The following PCDHGC4 variants were observed in gnomAD, a reference collection of about 807,000 sequenced individuals.
The protein encoded by PCDHGC4 is protocadherin gamma subfamily C, 4.
A neutral mutation model predicts 59.7 loss-of-function variants in PCDHGC4; 15 were observed. The ratio of observed to expected loss-of-function variants is 0.25; its 90% CI spans 0.17 to 0.39. The LOEUF (loss-of-function observed/expected upper bound fraction) is 0.39. PCDHGC4 is among the 10% of genes least tolerant of loss of function. The pLI, the probability that PCDHGC4 is intolerant of heterozygous loss-of-function variation, is 1.00. For synonymous variants in PCDHGC4, 434 were observed against 481.4 expected, an observed-to-expected ratio of 0.90 and a Z score of 1.29; for missense variants, 1,016 against 1,189.5, an observed-to-expected ratio of 0.85 and a Z score of 2.15.
intron 2 of PCDHGC4, among the ~76,000 whole-genome samples, chr5:141,504,479 G>T (rs1270717855): frequency 6.6e-6 from 1 of 152,100 alleles, no homozygotes; most frequent in African/African-American, 2.4e-5. Context: ...TGGGAGTACA[G>T]TGGAGGCACC....
rs2099681350 is a variant in PCDHGC4, at chr5:141,489,024, C to T, written c.2442+1409C>T. 1 of 450,378 alleles carries T rather than the reference C, an allele frequency of 2.2e-6. No individual in the cohort carries two copies. The highest frequency in any genetic ancestry group is 3.9e-6 in the Non-Finnish European group (1 of 256,582). 27.9% of individuals were successfully genotyped at this position (450,378 alleles called of 1,614,324 possible). On this transcript the variant is annotated intron_variant, in intron 1 of 3. Coordinates refer to ENST00000306593, the MANE Select transcript of PCDHGC4 (RefSeq NM_018928.3). The surrounding 1 kb of genome is among the most constrained non-coding windows in gnomAD (Gnocchi z 4.5). ...CTGCTCTTCCAGCCCGCCTCTCCTC[C>T]TCCAGCTCCCCAGCTCCACTCAAAT... is the stretch of plus-strand genomic sequence containing the variant.
chr5:141,492,206 G>A (rs1180294159), intron 1 of PCDHGC4, among the ~76,000 whole-genome samples: 2 of 152,204 alleles, frequency 1.3e-5, no homozygotes, highest in Non-Finnish European at 2.9e-5. Context: ...TTAGGTGTGC[G>A]CGCGGGGCTC....
At chr5:141,503,902 C>T (rs552180745) in intron 2 of PCDHGC4, among the ~76,000 whole-genome samples, 7 of 152,328 alleles carry the variant, frequency 4.6e-5, no homozygotes, top group African/African-American at 1.7e-4. Context: ...AATATGCACA[C>T]ACACAACGCA....
chr5:141,486,722 G>C lies in PCDHGC4; in HGVS notation c.1549G>C (p.Val517Leu), dbSNP rs1235454839. The C allele has an allele frequency of 6.2e-7, 1 of 1,614,200 alleles. No homozygotes were observed. Among genetic ancestry groups the C allele is most frequent in the East Asian group, 2.2e-5 (1 of 44,874 alleles). ...CTCTCTGAACCCCCAGACAGGAGCT[G>C]TTCATGCTACTCGATCCTTTGACTA... ...FISLNPQTGAVHATRSFDYEQ... is the reference protein window; with the variant it reads ...FISLNPQTGALHATRSFDYEQ... Residue 517 changes from valine (V) to leucine (L), a missense_variant, in exon 1 of 4, where the codon GTT (valine) becomes CTT (leucine). By Grantham distance (32) the Val-to-Leu change is conservative. Transcript: ENST00000306593. This position sits in a 1 kb window ranked among gnomAD's most constrained non-coding sequence, Gnocchi z 5.0.
chr5:141,499,261 GT>G (rs2099790689), intron 2 of PCDHGC4, among the ~76,000 whole-genome samples: 1 of 152,022 alleles, frequency 6.6e-6, no homozygotes, highest in South Asian at 2.1e-4. Context: ...TCTCCATTTG[GT>G]CCCTAGACTG....
At chr5:141,492,237 C>G (rs2099738580) in intron 1 of PCDHGC4, among the ~76,000 whole-genome samples, 1 of 152,206 alleles carries the variant, frequency 6.6e-6, no homozygotes, top group Admixed American at 6.5e-5. Flanking sequence ...TCCCTGCTGG[C>G]CACCCCCACG....
At position 141,486,543 on chromosome 5, in the gene PCDHGC4, A is replaced by G; in HGVS notation, c.1370A>G (p.Gln457Arg). ...DVNDNPPSFF[Q>R]RSHEVFVPEN... Reference sequence around the variant, plus strand: ...AATGATAATCCACCCTCTTTCTTTCAGAGGTCACATGAGGTGTTTGTTCCT... The same window carrying G: ...AATGATAATCCACCCTCTTTCTTTCGGAGGTCACATGAGGTGTTTGTTCCT... Residue 457 changes from glutamine to arginine, a missense_variant, in exon 1 of 4, where the codon CAG becomes CGG. Transcript: ENST00000306593. This position sits in a 1 kb window ranked among gnomAD's most constrained non-coding sequence, Gnocchi z 5.0. 6.2e-7 allele frequency: 1 copy of G among 1,614,080 alleles called. No individual in the cohort carries two copies. Among genetic ancestry groups the G allele is most frequent in the Non-Finnish European group, 8.5e-7 (1 of 1,180,020 alleles).
At chr5:141,494,714 C>G in intron 1 of PCDHGC4, 93 bp from the exon 2 acceptor site, 2 of 1,603,958 alleles carry the variant, frequency 1.2e-6, no homozygotes, top group East Asian at 4.5e-5. Context: ...TGTGCCCACT[C>G]CCCTCCTTCT....
chr5:141,497,573 T>C (rs1231425210), intron 2 of PCDHGC4, among the ~76,000 whole-genome samples: 1 of 149,502 alleles, frequency 6.7e-6, no homozygotes, highest in South Asian at 2.1e-4. Context: ...AGAGTCTTGC[T>C]CTGTTGCCCA....
intron 1 of PCDHGC4, 134 bp from the exon 2 acceptor site, chr5:141,494,673 C>G: frequency 4.5e-6 from 7 of 1,542,992 alleles, no homozygotes; most frequent in Non-Finnish European, 6.1e-6. Flanking sequence ...GATGAGTCCA[C>G]CCCTGCCCCC....
At position 141,487,128 on chromosome 5, in the gene PCDHGC4, G is replaced by A; in HGVS notation, c.1955G>A (p.Ser652Asn). The A allele has an allele frequency of 6.2e-7, 1 of 1,614,086 alleles. No individual in the cohort carries two copies. ...KLVIVVKDSG[S>N]PPLSTSVTLL... ...GTCATTGTGGTAAAGGATAGTGGTA[G>A]TCCACCACTCTCTACCTCTGTTACT... is the stretch of plus-strand genomic sequence containing the variant. The change falls in exon 1 of 4, where the codon AGT (serine) becomes AAT (asparagine). Residue 652 changes from serine to asparagine, a missense_variant. Transcript: ENST00000306593. This position sits in a 1 kb window ranked among gnomAD's most constrained non-coding sequence, Gnocchi z 5.0.
chr5:141,494,661 G>A, intron 1 of PCDHGC4, 146 bp from the exon 2 acceptor site: 2 of 1,492,976 alleles, frequency 1.3e-6, no homozygotes, highest in Non-Finnish European at 1.8e-6. Context: ...TTTGTCTTTG[G>A]AGATGAGTCC....
At position 141,485,320 on chromosome 5, in the gene PCDHGC4, T is replaced by G; in HGVS notation, c.147T>G (p.Ala49=). The G allele has an allele frequency of 6.2e-7, 1 of 1,614,114 alleles. No individual in the cohort carries two copies. The highest frequency in any genetic ancestry group is 8.5e-7 in the Non-Finnish European group (1 of 1,180,018). ...AAGGGACTTTTGTAGGGAATGTCGC[T>G]CAAGATTTCCTGCTGGATACGGACA... is the stretch of plus-strand genomic sequence containing the variant. ...SQEGTFVGNV[A]QDFLLDTDSL... The change falls in exon 1 of 4, where the codon GCT becomes GCG. Residue 49 remains alanine, a synonymous_variant. Transcript: ENST00000306593. The surrounding 1 kb of genome is among the most constrained non-coding windows in gnomAD (Gnocchi z 5.7).
In PCDHGC4 at chr5:141,490,506, C is replaced by T. The variant is rs967095367; in HGVS notation, c.2442+2891C>T. ...GGGAGGCCACATCCCACTATATCAT[C>T]GAGCTGCTGGCCAGCGATGCTGGTT... is the stretch of plus-strand genomic sequence containing the variant. On this transcript the variant is annotated intron_variant, in intron 1 of 3. Transcript: ENST00000306593. This position sits in a 1 kb window ranked among gnomAD's most constrained non-coding sequence, Gnocchi z 5.4. The T allele has an allele frequency of 1.2e-5, 19 of 1,614,116 alleles. No homozygotes were observed. The highest frequency in any genetic ancestry group is 2.2e-5 in the South Asian group (2 of 91,088).
In PCDHGC4 at chr5:141,489,584, A is replaced by G. The variant is rs775720718; in HGVS notation, c.2442+1969A>G. Reference sequence around the variant, plus strand: ...CAGGTGGTGACTGAACACCCCCTGGAGCTAATCCGTGTAGAGGTAGAGATC... The same window carrying G: ...CAGGTGGTGACTGAACACCCCCTGGGGCTAATCCGTGTAGAGGTAGAGATC... On this transcript the variant is annotated intron_variant, in intron 1 of 3. Coordinates refer to ENST00000306593, the MANE Select transcript of PCDHGC4 (RefSeq NM_018928.3). The surrounding 1 kb of genome is among the most constrained non-coding windows in gnomAD (Gnocchi z 4.5). The G allele has an allele frequency of 6.2e-7, 1 of 1,614,054 alleles. No homozygotes were observed. Among genetic ancestry groups the G allele is most frequent in the South Asian group, 1.1e-5 (1 of 91,078 alleles).
intron 3 of PCDHGC4, among the ~76,000 whole-genome samples, chr5:141,506,381 G>A (rs750584158): frequency 2.0e-5 from 3 of 151,216 alleles, no homozygotes; most frequent in Non-Finnish European, 4.4e-5. Context: ...CCTGGGAGGT[G>A]GCTGTGGTGA....
At chr5:141,495,591 C>G (rs2099762279) in intron 2 of PCDHGC4, among the ~76,000 whole-genome samples, 3 of 152,222 alleles carry the variant, frequency 2.0e-5, no homozygotes, top group African/African-American at 7.2e-5. Context: ...CCATCTCTGT[C>G]TTAGCTTCCG....
chr5:141,487,355 G>A lies in PCDHGC4; in HGVS notation c.2182G>A (p.Ala728Thr). ...GAACGVTCFP[A>T]GTCACLTRSR... ...AGCCTGTGGAGTCACATGCTTTCCT[G>A]CTGGCACCTGTGCCTGTCTCACCAG... Residue 728 changes from alanine to threonine, a missense_variant, in exon 1 of 4, where the codon GCT (alanine) becomes ACT (threonine). Physicochemically the swap from Ala to Thr is moderately conservative, Grantham distance 58. Coordinates refer to ENST00000306593, the MANE Select transcript of PCDHGC4 (RefSeq NM_018928.3). This position sits in a 1 kb window ranked among gnomAD's most constrained non-coding sequence, Gnocchi z 5.0. 1 of 1,614,150 alleles carries A rather than the reference G, an allele frequency of 6.2e-7. No homozygotes were observed. Among genetic ancestry groups the A allele is most frequent in the South Asian group, 1.1e-5 (1 of 91,090 alleles).
Position 141,491,422 on chromosome 5 carries a change from G to A in PCDHGC4, c.2443-3385G>A. 1 of 1,614,112 alleles carries A rather than the reference G, an allele frequency of 6.2e-7. No individual in the cohort carries two copies. Among genetic ancestry groups the A allele is most frequent in the East Asian group, 2.2e-5 (1 of 44,874 alleles). On this transcript the variant is annotated intron_variant, in intron 1 of 3. Coordinates refer to ENST00000306593, the MANE Select transcript of PCDHGC4 (RefSeq NM_018928.3). The surrounding 1 kb of genome is among the most constrained non-coding windows in gnomAD (Gnocchi z 6.9). The stretch of plus-strand genomic sequence containing the variant: ...AAACGCAGACGGGGACGGGGGTGGA[G>A]GGCAGTGCTGCAGGCGCCAGGACTC...
Sources: gnomAD v4.1 joint callset for allele counts (sites outside exome capture counted in the v4.1 genomes callset) on GRCh38, gnomAD v4.1.1 for gene constraint, Gnocchi (gnomAD v3.1) non-coding constraint, MANE v1.5 for transcripts, NCBI Gene and HGNC (gene_info 2026-07-23, HGNC 2026-07-21) for gene names.